Variants in KCNN2 observed in about 807,000 individuals in gnomAD.
KCNN2 encodes potassium calcium-activated channel subfamily N member 2, also known as small conductance calcium-activated potassium channel protein 2.
KCNN2 carries 24 observed loss-of-function variants against 55.5 expected under a neutral mutation model. The ratio of observed to expected loss-of-function variants is 0.43; its 90% CI spans 0.31 to 0.61. KCNN2 has a LOEUF of 0.61. KCNN2 is among the 20% of genes least tolerant of loss of function. KCNN2 has a pLI of 0.08. For missense variants in KCNN2, 754 were observed against 853.6 expected (o/e 0.88, Z 1.45); for synonymous variants, 431 against 336.1 (o/e 1.28, Z -3.09).
At chr5:114,244,990 A>C (rs1754723112) in intron 2 of KCNN2, among the ~76,000 whole-genome samples, 1 of 152,224 alleles carries the variant, frequency 6.6e-6, no homozygotes. Flanking sequence ...ATGGCTGTCA[A>C]ATTACTCAGC....
intron 1 of KCNN2, among the ~76,000 whole-genome samples, chr5:114,211,816 CT>C (rs757526004): frequency 6.6e-6 from 1 of 151,918 alleles, no homozygotes; most frequent in Middle Eastern, 3.2e-3. Flanking sequence ...ATCCTTACTA[CT>C]TGTAGAAATG....
chr5:114,170,076 AT>A (rs1753001358), intron 1 of KCNN2, among the ~76,000 whole-genome samples: 1 of 152,086 alleles, frequency 6.6e-6, no homozygotes, highest in South Asian at 2.1e-4. Context: ...TCAATAGATA[AT>A]TGATTGTCAT....
chr5:114,234,020 C>A (rs188109717), intron 2 of KCNN2, among the ~76,000 whole-genome samples: 1 of 149,964 alleles, frequency 6.7e-6, no homozygotes, highest in South Asian at 2.1e-4. Context: ...TTTAACTTGG[C>A]TCTAGCTTTT....
At chr5:114,400,697 T>C (rs1249426401) in intron 2 of KCNN2, among the ~76,000 whole-genome samples, 1 of 152,232 alleles carries the variant, frequency 6.6e-6, no homozygotes, top group Non-Finnish European at 1.5e-5. Flanking sequence ...CCTTCATTTC[T>C]TTATGTATGC....
intron 2 of KCNN2, among the ~76,000 whole-genome samples, chr5:114,227,868 A>C (rs77073477): frequency 0.019 from 2,900 of 152,204 alleles, 82 homozygotes; most frequent in African/African-American, 0.066. Context: ...AGTATATATG[A>C]GTGTATATAT....
At position 114,469,869 on chromosome 5, in the gene KCNN2, AGG is replaced by A. The variant is rs1220428020; in HGVS notation, c.1780-3183_1780-3182del. Among the ~76,000 whole-genome samples, 6 of 152,318 alleles carry A rather than the reference AGG, an allele frequency of 3.9e-5. No homozygotes were observed. In the East Asian group the frequency reaches 1.2e-3, roughly 29 times the overall value. On this transcript the variant is annotated intron_variant, in intron 4 of 7. Transcript: ENST00000673685. ...AGATTCTCTTACGATTTATTAATCTAGGGAAGTATAAGTTTATGGTTTTCTTC... is the reference window on the plus strand; with the variant it reads ...AGATTCTCTTACGATTTATTAATCTAGAAGTATAAGTTTATGGTTTTCTTC...
At chr5:114,459,690 T>A (rs1370335285) in intron 3 of KCNN2, among the ~76,000 whole-genome samples, 1 of 152,206 alleles carries the variant, frequency 6.6e-6, no homozygotes, top group Non-Finnish European at 1.5e-5. Context: ...TATTCTGAGC[T>A]ATTTTTAGGG....
At chr5:114,270,172 T>C (rs983730577) in intron 2 of KCNN2, among the ~76,000 whole-genome samples, 6 of 152,208 alleles carry the variant, frequency 3.9e-5, no homozygotes, top group Non-Finnish European at 8.8e-5. Flanking sequence ...TGAAGGGCTA[T>C]AATAAATAAT....
chr5:114,287,766 AAG>A (rs1554079550), intron 2 of KCNN2, among the ~76,000 whole-genome samples: 7 of 148,684 alleles, frequency 4.7e-5, no homozygotes, highest in South Asian at 4.3e-4. Flanking sequence ...AAAAAAAAAA[AAG>A]AAGAAGAATA....
At chr5:114,117,014 G>A (rs1751720399) in intron 1 of KCNN2, among the ~76,000 whole-genome samples, 1 of 152,056 alleles carries the variant, frequency 6.6e-6, no homozygotes, top group Non-Finnish European at 1.5e-5. Context: ...AAGAAGGCTC[G>A]GAGGGCTCTG....
chr5:114,327,385 T>C (rs1756733240), intron 2 of KCNN2, among the ~76,000 whole-genome samples: 2 of 152,330 alleles, frequency 1.3e-5, no homozygotes, highest in African/African-American at 2.4e-5. Flanking sequence ...TGTCCTTCAC[T>C]AGACAATGGG....
At chr5:114,495,078 C>T (rs1235947422) in intron 7 of KCNN2, among the ~76,000 whole-genome samples, 2 of 152,126 alleles carry the variant, frequency 1.3e-5, no homozygotes, top group Non-Finnish European at 1.5e-5. Flanking sequence ...CTTGGCTACT[C>T]AGGAAATATA....
chr5:114,379,853 A>G (rs1758062801), intron 2 of KCNN2, among the ~76,000 whole-genome samples: 2 of 145,874 alleles, frequency 1.4e-5, no homozygotes, highest in South Asian at 4.2e-4. Context: ...TATATATTAT[A>G]TAGCATATTA....
At chr5:114,385,122 C>A (rs1164761642) in intron 2 of KCNN2, among the ~76,000 whole-genome samples, 1 of 152,074 alleles carries the variant, frequency 6.6e-6, no homozygotes, top group Non-Finnish European at 1.5e-5. Context: ...ATTAGTGAGT[C>A]TGAAGTGTTA....
chr5:114,281,733 C>G (rs1755628841), intron 2 of KCNN2, among the ~76,000 whole-genome samples: 3 of 119,242 alleles, frequency 2.5e-5, no homozygotes, highest in African/African-American at 9.1e-5. Context: ...AATTTTTAAG[C>G]ATATACTATG....
intron 1 of KCNN2, among the ~76,000 whole-genome samples, chr5:114,115,874 A>G (rs1292113182): frequency 6.6e-6 from 1 of 152,068 alleles, no homozygotes; most frequent in Non-Finnish European, 1.5e-5. Flanking sequence ...GTTTCTTGTT[A>G]CATACATATA....
intron 2 of KCNN2, among the ~76,000 whole-genome samples, chr5:114,378,849 A>G (rs961830432): frequency 2.6e-5 from 4 of 152,146 alleles, no homozygotes; most frequent in African/African-American, 9.7e-5. Flanking sequence ...AAAGTATTTT[A>G]TAGCTGACTG....
At chr5:114,446,111 C>G (rs1440911777) in intron 3 of KCNN2, among the ~76,000 whole-genome samples, 1 of 152,162 alleles carries the variant, frequency 6.6e-6, no homozygotes, top group East Asian at 1.9e-4. Flanking sequence ...GGAGTACTAC[C>G]TGTCTGAGTA....
intron 2 of KCNN2, among the ~76,000 whole-genome samples, chr5:114,297,459 A>T (rs1012237427): frequency 6.6e-6 from 1 of 152,186 alleles, no homozygotes; most frequent in African/African-American, 2.4e-5. Flanking sequence ...GTGCTACTTG[A>T]TGACAGTGAC....
Sources: gnomAD v4.1 joint callset for allele counts (sites outside exome capture counted in the v4.1 genomes callset) on GRCh38, gnomAD v4.1.1 for gene constraint, MANE v1.5 for transcripts, NCBI Gene and HGNC (gene_info 2026-07-23, HGNC 2026-07-21) for gene names.